CEPT1: variants seen among roughly 807,000 people sequenced by gnomAD.
The protein encoded by CEPT1 is choline/ethanolaminephosphotransferase 1.
In CEPT1, 7 loss-of-function variants were observed where a neutral mutation model predicts 42.6. The observed-to-expected ratio is 0.16, with a 90% confidence interval of 0.09 to 0.31. The LOEUF (loss-of-function observed/expected upper bound fraction) is 0.31. CEPT1 is among the 10% of genes least tolerant of loss of function. CEPT1 has a pLI of 1.00. For missense variants in CEPT1, 306 were observed against 502.1 expected (o/e 0.61, Z 3.73); for synonymous variants, 171 against 171.9 (o/e 0.99, Z 0.04).
upstream of CEPT1, chr1:111,140,081 A>G (rs1020093015): frequency 2.6e-5 from 4 of 152,454 alleles, no homozygotes; most frequent in South Asian, 2.1e-4. Context: ...CGAAGCCCCT[A>G]TGCTAAAAGG....
chr1:111,157,359 A>G (rs1418252788), intron 2 of CEPT1, among the ~76,000 whole-genome samples: 3 of 152,228 alleles, frequency 2.0e-5, no homozygotes, highest in African/African-American at 4.8e-5. Flanking sequence ...AGAATTTTCT[A>G]TGAAGATGGG....
At position 111,168,427 on chromosome 1, in the gene CEPT1, A is replaced by G. The variant is rs192545735; in HGVS notation, c.630-6452A>G. On this transcript the variant is annotated intron_variant, in intron 4 of 8. Transcript: ENST00000357172. The stretch of plus-strand genomic sequence containing the variant: ...TGCCCTGAAAAAAAAAAAGAATTGT[A>G]AACATTTTAATATTGCTTCAATAAT... 4.7e-4 allele frequency among the ~76,000 whole-genome samples: 71 copies of G among 151,884 alleles called. No individual in the cohort carries two copies. In the East Asian group the frequency reaches 0.013, roughly 28 times the overall value.
intron 8 of CEPT1, 29 bp from the exon 9 acceptor site, chr1:111,184,162 G>C: frequency 6.2e-7 from 1 of 1,611,422 alleles, no homozygotes. Context: ...AGCCTAAACG[G>C]GTGCTGAGAA....
At chr1:111,169,474 TATG>T (rs1049575179) in intron 4 of CEPT1, among the ~76,000 whole-genome samples, 4 of 152,318 alleles carry the variant, frequency 2.6e-5, no homozygotes, top group South Asian at 2.1e-4. Context: ...CTTGTTTGTC[TATG>T]ATAACAAAGT....
intron 4 of CEPT1, among the ~76,000 whole-genome samples, chr1:111,169,461 C>G (rs1007153717): frequency 1.3e-5 from 2 of 152,116 alleles, no homozygotes; most frequent in Admixed American, 6.5e-5. Context: ...TATCTACTTT[C>G]ACCTTGTTTG....
chr1:111,166,004 C>A (rs183099470), intron 4 of CEPT1, among the ~76,000 whole-genome samples: 1 of 152,102 alleles, frequency 6.6e-6, no homozygotes, highest in Admixed American at 6.6e-5. Flanking sequence ...CTAATCCCTG[C>A]GTAGAATCTA....
At chr1:111,175,853 C>T (rs1179455136) in intron 5 of CEPT1, among the ~76,000 whole-genome samples, 1 of 152,058 alleles carries the variant, frequency 6.6e-6, no homozygotes, top group Non-Finnish European at 1.5e-5. Context: ...TACCATCACC[C>T]CTTCAGAATA....
rs12023482 is a variant in CEPT1 at position 111,165,299 on chromosome 1, T to C, written c.629+4003T>C. Among the ~76,000 whole-genome samples the C allele has an allele frequency of 9.6e-3, 1,456 of 151,956 alleles. 20 individuals carry two copies. The highest frequency in any genetic ancestry group is 0.03 in the African/African-American group (1,235 of 41,416). On this transcript the variant is annotated intron_variant, in intron 4 of 8. Transcript: ENST00000357172. The stretch of plus-strand genomic sequence containing the variant: ...TCCTGACCTCGTGATCCGCCCGCCT[T>C]GGCCTCCCAAAGTGCTGGGATTACA...
intron 4 of CEPT1, among the ~76,000 whole-genome samples, chr1:111,170,989 A>G (rs779207637): frequency 1.3e-5 from 2 of 152,232 alleles, no homozygotes; most frequent in East Asian, 1.9e-4. Flanking sequence ...CTGCAAGTGT[A>G]TCTTTGAAAT....
At chr1:111,175,006 C>CT in intron 5 of CEPT1, 43 bp downstream of exon 5, 1 of 1,180,496 alleles carries the variant, frequency 8.5e-7, no homozygotes, top group Non-Finnish European at 1.3e-6. Context: ...TGCATGTTGT[C>CT]TTTTGCTTGT....
In CEPT1 at chr1:111,182,972, T is replaced by G; in HGVS notation, c.1005+15T>G. On this transcript the variant is annotated intron_variant, in intron 7 of 8. Transcript: ENST00000357172. Reference sequence around the variant, plus strand: ...ATAAGCTTGTGGTAAGCACCTGAGTTTTTATTTGCTGTGTTTTTCACTTTC... The same window carrying G: ...ATAAGCTTGTGGTAAGCACCTGAGTGTTTATTTGCTGTGTTTTTCACTTTC... 1 of 1,603,184 alleles carries G rather than the reference T, an allele frequency of 6.2e-7. No homozygotes were observed. Among genetic ancestry groups the G allele is most frequent in the East Asian group, 2.2e-5 (1 of 44,730 alleles).
At chr1:111,167,912 A>C (rs1411953928) in intron 4 of CEPT1, 2 of 523,782 alleles carry the variant, frequency 3.8e-6, no homozygotes, top group Non-Finnish European at 4.8e-6. Flanking sequence ...TTTTTAATTG[A>C]GATAGAGTCT....
chr1:111,183,351 G>T lies in CEPT1; in HGVS notation c.1006-111G>T, dbSNP rs1657084024. On this transcript the variant is annotated intron_variant, in intron 7 of 8. Coordinates refer to ENST00000357172, the MANE Select transcript of CEPT1 (RefSeq NM_006090.5). ...GGTTTTTAGTTTTGGGAATTCAACA[G>T]CTATTCCTAAATAATTATTGGAAGT... 24 of 1,249,292 alleles carry T rather than the reference G, an allele frequency of 1.9e-5. No homozygotes were observed. The South Asian group carries it at 2.7e-4, about 14-fold the overall frequency. The allele number at this position is 1,249,292 out of a possible 1,614,324, so 77.4% of individuals were successfully genotyped here. A position where few individuals can be genotyped will look rare whatever the true frequency, so the allele number is the denominator to read the frequency against.
intron 1 of CEPT1, among the ~76,000 whole-genome samples, chr1:111,143,876 T>A (rs1004880200): frequency 6.6e-6 from 1 of 152,152 alleles, no homozygotes; most frequent in Non-Finnish European, 1.5e-5. Flanking sequence ...TAGCTGGGAA[T>A]GCATGACAGG....
chr1:111,173,207 C>G (rs1224737749), intron 4 of CEPT1: 1 of 152,240 alleles, frequency 6.6e-6, no homozygotes, highest in African/African-American at 2.4e-5. Context: ...TGCTTAGTCT[C>G]CTGAATCTGC....
At chr1:111,151,262 T>G (rs1370820478) in intron 2 of CEPT1, among the ~76,000 whole-genome samples, 1 of 152,080 alleles carries the variant, frequency 6.6e-6, no homozygotes. Context: ...AATACAGGAC[T>G]ACAGGCGCAC....
intron 6 of CEPT1, 58 bp downstream of exon 6, chr1:111,182,376 A>AT: frequency 1.3e-6 from 2 of 1,528,080 alleles, no homozygotes; most frequent in South Asian, 1.2e-5. Context: ...TTTTGTTGTC[A>AT]TTTTGTTTTT....
Position 111,161,142 on chromosome 1 carries a change from C to A in CEPT1, c.488-13C>A, listed in dbSNP as rs756614833. The A allele has an allele frequency of 2.5e-6, 4 of 1,613,858 alleles. No homozygotes were observed. Among genetic ancestry groups the A allele is most frequent in the Non-Finnish European group, 3.4e-6 (4 of 1,179,870 alleles). ...CATATTATTTGGTTTTCATCGTGAT[C>A]TTTCTTCTGCAGTTTTTGTGGTTCT... On this transcript the variant is annotated splice_polypyrimidine_tract_variant and intron_variant, in intron 3 of 8. Coordinates refer to ENST00000357172, the MANE Select transcript of CEPT1 (RefSeq NM_006090.5).
At chr1:111,167,876 G>T in intron 4 of CEPT1, 78 of 568,694 alleles carry the variant, frequency 1.4e-4, no homozygotes, top group Non-Finnish European at 1.6e-4. Flanking sequence ...ACTGCTAAAA[G>T]TAATGTATCT....
Sources: allele counts gnomAD v4.1 joint callset (sites outside exome capture counted in the v4.1 genomes callset), GRCh38; gene constraint gnomAD v4.1.1; transcripts MANE v1.5; gene names NCBI Gene and HGNC (gene_info 2026-07-23, HGNC 2026-07-21).